C11orf65: variants seen among roughly 807,000 people sequenced by gnomAD.
C11orf65 encodes the protein chromosome 11 open reading frame 65.
In C11orf65, 38 loss-of-function variants were observed where a neutral mutation model predicts 35.3. The observed-to-expected ratio is 1.08, with a 90% CI of 0.83 to 1.41. C11orf65 has a LOEUF of 1.41. C11orf65 is among the 40% of genes most tolerant of loss of function. C11orf65 has a pLI of 0.00. For synonymous variants in C11orf65, 105 were observed against 114.4 expected (o/e 0.92, Z 0.53); for missense variants, 370 against 367.1 (o/e 1.01, Z -0.06).
At chr11:108,450,275 AT>A (rs2093328304) in intron 2 of C11orf65, among the ~76,000 whole-genome samples, 1 of 151,968 alleles carries the variant, frequency 6.6e-6, no homozygotes, top group Admixed American at 6.5e-5. Context: ...CAGCCATCCC[AT>A]TACTGGGTAT....
At chr11:108,367,959 G>A (rs938250851) in intron 2 of C11orf65, 11 of 204,384 alleles carry the variant, frequency 5.4e-5, no homozygotes, top group African/African-American at 2.5e-4. Flanking sequence ...CTTCATGGGT[G>A]AAATTAGAAA....
intron 2 of C11orf65, among the ~76,000 whole-genome samples, chr11:108,337,090 G>A (rs1318952799): frequency 1.3e-5 from 2 of 152,022 alleles, no homozygotes; most frequent in Non-Finnish European, 2.9e-5. Flanking sequence ...GGGGAGTGAA[G>A]AAGAATAAAT....
At chr11:108,334,831 A>C in intron 3 of C11orf65, 1 of 1,006,734 alleles carries the variant, frequency 9.9e-7, no homozygotes, top group East Asian at 2.6e-5. Flanking sequence ...CACCCGGCCT[A>C]AAGTTGTAGT....
chr11:108,325,621 A>G (rs2085595993), intron 6 of C11orf65: 2 of 1,223,602 alleles, frequency 1.6e-6, no homozygotes, highest in Admixed American at 3.7e-5. Context: ...AGCCTGAGGG[A>G]AAAAGAAATG....
intron 7 of C11orf65, among the ~76,000 whole-genome samples, chr11:108,387,777 C>A (rs970596609): frequency 1.3e-5 from 2 of 152,202 alleles, no homozygotes; most frequent in African/African-American, 4.8e-5. Flanking sequence ...ATCCACCTAC[C>A]TTGGCCTCCC....
chr11:108,467,980 C>T (rs1475911260), upstream of C11orf65, among the ~76,000 whole-genome samples: 5 of 151,886 alleles, frequency 3.3e-5, no homozygotes, highest in Non-Finnish European at 5.9e-5. Flanking sequence ...AGTGCACCAC[C>T]ACGCCAGGCT....
At chr11:108,337,827 T>A (rs1051603214) in intron 2 of C11orf65, among the ~76,000 whole-genome samples, 1 of 152,238 alleles carries the variant, frequency 6.6e-6, no homozygotes, top group Non-Finnish European at 1.5e-5. Flanking sequence ...AGAATTGGGT[T>A]ACAAAAGTAT....
At chr11:108,439,596 T>C (rs778414731) in intron 2 of C11orf65, among the ~76,000 whole-genome samples, 1 of 152,198 alleles carries the variant, frequency 6.6e-6, no homozygotes, top group Non-Finnish European at 1.5e-5. Flanking sequence ...GATGAATGGA[T>C]AAATACAATG....
chr11:108,317,662 C>T (rs1237186475), intron 6 of C11orf65: 11 of 223,584 alleles, frequency 4.9e-5, no homozygotes, highest in African/African-American at 2.6e-4. Flanking sequence ...TACACACACA[C>T]ACACACACAC....
At chr11:108,454,093 T>C (rs1055128749) in intron 2 of C11orf65, among the ~76,000 whole-genome samples, 11 of 152,174 alleles carry the variant, frequency 7.2e-5, no homozygotes, top group African/African-American at 2.7e-4. Flanking sequence ...TCCAATTTTC[T>C]TACTCATTAT....
chr11:108,331,891 AT>A (rs1433938026), intron 3 of C11orf65: 1 of 1,613,404 alleles, frequency 6.2e-7, no homozygotes, highest in Admixed American at 1.7e-5. Context: ...AATCTCTAGA[AT>A]TTCAATGGAT....
At chr11:108,441,185 G>A (rs909870905) in intron 2 of C11orf65, among the ~76,000 whole-genome samples, 2 of 152,176 alleles carry the variant, frequency 1.3e-5, no homozygotes, top group African/African-American at 2.4e-5. Context: ...CCTGCACCTG[G>A]CTCAGAGGGT....
intron 2 of C11orf65, chr11:108,365,756 G>A (rs1415905535): frequency 1.9e-6 from 1 of 515,364 alleles, no homozygotes; most frequent in Non-Finnish European, 3.4e-6. Flanking sequence ...GCTCACGCCT[G>A]TAATCCCAGC....
chr11:108,349,052 ACAT>A (rs1289854989), intron 2 of C11orf65, among the ~76,000 whole-genome samples: 3 of 152,218 alleles, frequency 2.0e-5, no homozygotes, highest in African/African-American at 7.2e-5. Context: ...CTGATCTCAC[ACAT>A]CATCCGTGAT....
At chr11:108,330,471 C>A (rs1591162345), downstream of C11orf65, 1 of 1,574,452 alleles carries the variant, frequency 6.4e-7, no homozygotes, top group Non-Finnish European at 8.7e-7. Context: ...AAAACTTAGA[C>A]ATAAGCCCCT....
At chr11:108,376,431 C>T (rs1252672035) in intron 2 of C11orf65, among the ~76,000 whole-genome samples, 1 of 152,150 alleles carries the variant, frequency 6.6e-6, no homozygotes, top group Non-Finnish European at 1.5e-5. Context: ...TTGAAACCAA[C>T]AAGAACAAAG....
intron 6 of C11orf65, among the ~76,000 whole-genome samples, chr11:108,397,436 A>C (rs554195718): frequency 2.0e-5 from 3 of 152,144 alleles, no homozygotes; most frequent in Non-Finnish European, 1.5e-5. Context: ...ATTTAGAGGG[A>C]AAGAATATTA....
At chr11:108,445,752 A>G (rs572101540) in intron 2 of C11orf65, among the ~76,000 whole-genome samples, 2 of 151,458 alleles carry the variant, frequency 1.3e-5, no homozygotes, top group African/African-American at 4.8e-5. Context: ...CTCACCAGCA[A>G]TGGAACAAAG....
At chr11:108,407,931 CAAAAA>C (rs1215650401) in intron 3 of C11orf65, among the ~76,000 whole-genome samples, 1 of 22,674 alleles carries the variant, frequency 4.4e-5, no homozygotes, top group Non-Finnish European at 1.0e-4. Context: ...GACTCTGTCT[CAAAAA>C]AAAAAAAAAA....
Sources: gnomAD v4.1 joint callset for allele counts (sites outside exome capture counted in the v4.1 genomes callset) on GRCh38, gnomAD v4.1.1 for gene constraint, MANE v1.5 for transcripts, NCBI Gene and HGNC (gene_info 2026-07-23, HGNC 2026-07-21) for gene names.